The following TRHDE variants were observed in gnomAD, a reference collection of about 807,000 sequenced individuals.
The protein encoded by TRHDE is thyrotropin releasing hormone degrading enzyme.
Under a neutral mutation model 125.7 loss-of-function variants are expected in TRHDE, and 72 were observed. The observed-to-expected ratio is 0.57, with a 90% CI of 0.47 to 0.70. The LOEUF is 0.70. Ranked by LOEUF, TRHDE falls within the 30% of genes least tolerant of loss-of-function variation. The pLI is 0.00. For synonymous variants in TRHDE, 509 were observed against 509.1 expected, an observed-to-expected ratio of 1.00 and a Z score of 0.00; for missense variants, 1,110 against 1,327.1, an observed-to-expected ratio of 0.84 and a Z score of 2.54.
At chr12:72,466,481 C>T (rs1404371538) in intron 3 of TRHDE, among the ~76,000 whole-genome samples, 1 of 152,186 alleles carries the variant, frequency 6.6e-6, no homozygotes, top group Non-Finnish European at 1.5e-5. Flanking sequence ...TTGTTGCCAT[C>T]TACCGGTGAC....
intron 15 of TRHDE, among the ~76,000 whole-genome samples, chr12:72,631,586 C>T (rs1037533687): frequency 1.3e-5 from 2 of 151,792 alleles, no homozygotes; most frequent in East Asian, 1.9e-4. Context: ...TAGAACATCT[C>T]GGCTTGGATG....
chr12:72,601,229 C>T (rs1248203766), intron 12 of TRHDE, among the ~76,000 whole-genome samples: 1 of 152,058 alleles, frequency 6.6e-6, no homozygotes, highest in African/African-American at 2.4e-5. Flanking sequence ...AAAGTCACTA[C>T]ATATGTGGTA....
chr12:72,514,785 C>A (rs1466426858), intron 6 of TRHDE, among the ~76,000 whole-genome samples: 4 of 101,770 alleles, frequency 3.9e-5, no homozygotes, highest in Non-Finnish European at 5.7e-5. Context: ...TATCCCTCCC[C>A]CCTCCCCCCA....
At chr12:72,470,990 C>A (rs1876619945) in intron 4 of TRHDE, among the ~76,000 whole-genome samples, 2 of 148,408 alleles carry the variant, frequency 1.3e-5, no homozygotes, top group African/African-American at 5.0e-5. Flanking sequence ...GATTCTCCTG[C>A]CTCAGCTTCC....
chr12:72,515,843 T>C (rs557167765), intron 6 of TRHDE, among the ~76,000 whole-genome samples: 1 of 151,434 alleles, frequency 6.6e-6, no homozygotes, highest in African/African-American at 2.4e-5. Flanking sequence ...GGGATCCAGT[T>C]TCAGCTTTCT....
intron 12 of TRHDE, among the ~76,000 whole-genome samples, chr12:72,596,639 A>G (rs118158980): frequency 2.6e-3 from 402 of 152,314 alleles, no homozygotes; most frequent in Admixed American, 7.2e-3. Context: ...GCTTCACAGA[A>G]GAGGTGGCAA....
Position 72,238,303 on chromosome 12 carries a change from T to TAC in TRHDE, n.279+132552_279+132553insCA, listed in dbSNP as rs1194770098. The stretch of plus-strand genomic sequence containing the variant: ...ATATATATATATATATATATATATA[T>TAC]ATATATATATATATATATACATATA... On this transcript the variant is annotated intron_variant and non_coding_transcript_variant, in intron 2 of 4. Coordinates refer to the TRHDE transcript ENST00000548156. Among the ~76,000 whole-genome samples the TAC allele has an allele frequency of 5.0e-4, 16 of 32,034 alleles. 2 individuals carry two copies. Among genetic ancestry groups the TAC allele is most frequent in the African/African-American group, 1.6e-3 (14 of 8,596 alleles). 21.0% of individuals were successfully genotyped at this position (32,034 alleles called of 152,430 possible).
chr12:72,590,129 A>G (rs1871610804), intron 12 of TRHDE, among the ~76,000 whole-genome samples: 1 of 151,972 alleles, frequency 6.6e-6, no homozygotes, highest in Admixed American at 6.6e-5. Context: ...CTTCTTGAGA[A>G]AAATGATTAC....
rs373295780 is a variant in TRHDE, at chr12:72,614,328, A to ATTT, written c.2322-4562_2322-4561insTTT. On this transcript the variant is annotated intron_variant, in intron 12 of 18. Transcript: ENST00000261180. ...TATACATATGTATATATATATATAT[A>ATTT]TATTTTTTTTTTCTCTAGAAACTGA... Among the ~76,000 whole-genome samples, 249 of 104,568 alleles carry ATTT rather than the reference A, an allele frequency of 2.4e-3. 1 individual carries two copies. Among genetic ancestry groups the ATTT allele is most frequent in the African/African-American group, 0.012 (196 of 16,944 alleles). 68.6% of individuals were successfully genotyped at this position (104,568 alleles called of 152,430 possible). A position where few individuals can be genotyped will look rare whatever the true frequency, so the allele number is the denominator to read the frequency against.
rs1162627003 is a variant in TRHDE at position 72,669,974 on chromosome 12, A to G, written c.*6779A>G. ...TATGCATTGTCTAGTTACTTGAACA[A>G]TAAGAGAAATTCTATCTTTGAGCTT... is the stretch of plus-strand genomic sequence containing the variant. On this transcript the variant is annotated 3_prime_UTR_variant, in exon 19 of 19. Coordinates refer to ENST00000261180, the MANE Select transcript of TRHDE (RefSeq NM_013381.3). 6.6e-6 allele frequency: 1 copy of G among 151,812 alleles called. No individual in the cohort carries two copies. The highest frequency in any genetic ancestry group is 1.5e-5 in the Non-Finnish European group (1 of 67,812). The allele number at this position is 151,812 out of a possible 1,614,324, so 9.4% of individuals were successfully genotyped here. A position where few individuals can be genotyped will look rare whatever the true frequency, so the allele number is the denominator to read the frequency against.
At chr12:72,249,740 T>C in intron 2 of TRHDE, among the ~76,000 whole-genome samples, 1 of 152,290 alleles carries the variant, frequency 6.6e-6, no homozygotes, top group Admixed American at 6.5e-5. Flanking sequence ...TTATAAAGTG[T>C]ATATTAAACA....
intron 9 of TRHDE, among the ~76,000 whole-genome samples, chr12:72,563,591 A>G (rs1361535744): frequency 6.6e-6 from 1 of 152,192 alleles, no homozygotes; most frequent in Admixed American, 6.5e-5. Context: ...GCATACACAG[A>G]ATCTTTATTT....
intron 2 of TRHDE, among the ~76,000 whole-genome samples, chr12:72,135,185 T>C (rs1446741255): frequency 6.6e-6 from 1 of 152,214 alleles, no homozygotes; most frequent in Admixed American, 6.5e-5. Flanking sequence ...CACTGAAGTG[T>C]CATTTTCCAG....
At chr12:72,640,565 T>C (rs1874013719) in intron 15 of TRHDE, among the ~76,000 whole-genome samples, 1 of 151,976 alleles carries the variant, frequency 6.6e-6, no homozygotes, top group African/African-American at 2.4e-5. Context: ...AAATTATAGC[T>C]TCTTAGCATC....
chr12:72,302,177 G>T (rs1286135880), intron 2 of TRHDE, among the ~76,000 whole-genome samples: 15 of 152,012 alleles, frequency 9.9e-5, no homozygotes, highest in Admixed American at 9.2e-4. Context: ...AGAGAGAAAG[G>T]TGTTTGAAGA....
chr12:72,135,334 G>A (rs1398360899), intron 2 of TRHDE, among the ~76,000 whole-genome samples: 1 of 152,140 alleles, frequency 6.6e-6, no homozygotes, highest in Non-Finnish European at 1.5e-5. Context: ...TTCATTACCA[G>A]TTCTGCAGAA....
At chr12:72,334,002 G>A (rs1453183824) in intron 2 of TRHDE, among the ~76,000 whole-genome samples, 1 of 152,140 alleles carries the variant, frequency 6.6e-6, no homozygotes, top group African/African-American at 2.4e-5. Context: ...ATAATTTTAG[G>A]TTTATTGAGA....
chr12:72,309,048 GA>G (rs1868416988), intron 2 of TRHDE, among the ~76,000 whole-genome samples: 1 of 152,024 alleles, frequency 6.6e-6, no homozygotes, highest in African/African-American at 2.4e-5. Context: ...CTTTTAAAAT[GA>G]ACAATTCACT....
At chr12:72,610,333 C>T (rs1198115735) in intron 12 of TRHDE, among the ~76,000 whole-genome samples, 1 of 152,180 alleles carries the variant, frequency 6.6e-6, no homozygotes, top group Non-Finnish European at 1.5e-5. Context: ...ATTCATTTCA[C>T]TCACTAGGTT....
Sources: gnomAD v4.1 joint callset for allele counts (sites outside exome capture counted in the v4.1 genomes callset) on GRCh38, gnomAD v4.1.1 for gene constraint, MANE v1.5 for transcripts, NCBI Gene and HGNC (gene_info 2026-07-23, HGNC 2026-07-21) for gene names.